GALNT7: variants seen among roughly 807,000 people sequenced by gnomAD.
GALNT7 encodes N-acetylgalactosaminyltransferase 7.
GALNT7 carries 60 observed loss-of-function variants against 82.1 expected under a neutral mutation model. That is an observed-to-expected ratio of 0.73 (90% CI 0.59 to 0.91). GALNT7 has a LOEUF of 0.91. Among genes scored for constraint, GALNT7 ranks in the 40% least tolerant of loss-of-function variants. GALNT7 has a pLI of 0.00. For missense variants in GALNT7, 660 were observed against 804.2 expected (o/e 0.82, Z 2.17); for synonymous variants, 243 against 275.1 (o/e 0.88, Z 1.15).
rs1269428205 is a variant in GALNT7, at chr4:173,313,955, C to A, written c.1390-3C>A. 6.0e-6 allele frequency: 8 copies of A among 1,338,036 alleles called. No homozygotes were observed. The highest frequency in any genetic ancestry group is 8.3e-6 in the Non-Finnish European group (8 of 963,462). The allele number at this position is 1,338,036 out of a possible 1,614,324, so 82.9% of individuals were successfully genotyped here. A position where few individuals can be genotyped will look rare whatever the true frequency, so the allele number is the denominator to read the frequency against. On this transcript the variant is annotated splice_region_variant and splice_polypyrimidine_tract_variant and intron_variant, in intron 8 of 11. Transcript: ENST00000265000. ...TATATATATATATATTTTTTTTTTA[C>A]AGAATTATGTTAGAGTTGTGGAGGT...
chr4:173,248,418 G>T lies in GALNT7; in HGVS notation c.565G>T (p.Val189Phe), dbSNP rs79967711. Residue 189 changes from valine to phenylalanine, a missense_variant, in exon 2 of 12, where the codon GTC (valine) becomes TTC (phenylalanine). Coordinates refer to ENST00000265000, the MANE Select transcript of GALNT7 (RefSeq NM_017423.3). ...TGACATGATCTCACTGGACCGCAGC[G>T]TCAATGACTTACGCCAAGAAGAGTA... ...ASDMISLDRSVNDLRQEECKY... is the reference protein window; with the variant it reads ...ASDMISLDRSFNDLRQEECKY... 2 of 1,608,074 alleles carry T rather than the reference G, an allele frequency of 1.2e-6. No individual in the cohort carries two copies. Among genetic ancestry groups the T allele is most frequent in the African/African-American group, 2.7e-5 (2 of 74,908 alleles).
At chr4:173,295,704 G>A (rs1362748952) in intron 4 of GALNT7, 60 bp from the exon 5 acceptor site, 1 of 1,178,866 alleles carries the variant, frequency 8.5e-7, no homozygotes, top group Non-Finnish European at 1.3e-6. Context: ...TTTAAATTGT[G>A]TGTAATATAT....
In GALNT7 at chr4:173,248,258, T is replaced by G; in HGVS notation, c.405T>G (p.Phe135Leu). ...PVLRPGILGN[F>L]EPKEPEPPGV... ...TTCGCCCAGGGATCCTCGGTAACTT[T>G]GAACCCAAAGAACCTGAGCCTCCTG... Residue 135 changes from phenylalanine (F) to leucine (L), a missense_variant, in exon 2 of 12, where the codon TTT becomes TTG. Phe to Leu is a conservative substitution (Grantham distance 22). This residue lies in a region of GALNT7 where 527 missense variants were observed against 683.5 expected (regional missense o/e 0.77). Transcript: ENST00000265000. The G allele has an allele frequency of 6.2e-7, 1 of 1,613,988 alleles. No homozygotes were observed. The highest frequency in any genetic ancestry group is 2.2e-5 in the East Asian group (1 of 44,882).
At chr4:173,209,912 A>T (rs1733219601) in intron 1 of GALNT7, among the ~76,000 whole-genome samples, 2 of 152,116 alleles carry the variant, frequency 1.3e-5, no homozygotes, top group African/African-American at 4.8e-5. Flanking sequence ...AGGCAGGTGG[A>T]TCACGAGGTC....
intron 8 of GALNT7, among the ~76,000 whole-genome samples, chr4:173,308,664 G>A (rs1438192227): frequency 1.3e-5 from 2 of 152,162 alleles, no homozygotes; most frequent in African/African-American, 4.8e-5. Flanking sequence ...CAGCACTCGG[G>A]GAGGCCGAGG....
At chr4:173,253,241 A>G (rs1162424920) in intron 2 of GALNT7, among the ~76,000 whole-genome samples, 1 of 152,186 alleles carries the variant, frequency 6.6e-6, no homozygotes, top group African/African-American at 2.4e-5. Flanking sequence ...TGAGGGGGAT[A>G]CTAGGGAAGA....
intron 1 of GALNT7, among the ~76,000 whole-genome samples, chr4:173,185,946 G>C (rs1732448243): frequency 6.6e-6 from 1 of 152,160 alleles, no homozygotes; most frequent in Non-Finnish European, 1.5e-5. Context: ...AAGATTCCTA[G>C]GGAAATTACA....
chr4:173,217,215 G>A (rs1362304676), intron 1 of GALNT7, among the ~76,000 whole-genome samples: 2 of 152,092 alleles, frequency 1.3e-5, no homozygotes, highest in South Asian at 2.1e-4. Context: ...TACATGTATA[G>A]GCATGATCCT....
intron 1 of GALNT7, among the ~76,000 whole-genome samples, chr4:173,183,264 T>C (rs1481657376): frequency 1.3e-5 from 2 of 151,764 alleles, no homozygotes; most frequent in African/African-American, 4.8e-5. Flanking sequence ...CTCCCACTAT[T>C]CCTCTCACAC....
At chr4:173,308,671 G>A (rs781583785) in intron 8 of GALNT7, among the ~76,000 whole-genome samples, 12 of 152,168 alleles carry the variant, frequency 7.9e-5, no homozygotes, top group Admixed American at 1.3e-4. Context: ...CGGGGAGGCC[G>A]AGGTGGGAGG....
Position 173,249,306 on chromosome 4 carries a change from C to T in GALNT7, c.587+866C>T, listed in dbSNP as rs149030539. The stretch of plus-strand genomic sequence containing the variant: ...GTGCTCACACTCCCATACCTGTTCA[C>T]ATACACGTATGCATGTACACACACA... On this transcript the variant is annotated intron_variant, in intron 2 of 11. Coordinates refer to ENST00000265000, the MANE Select transcript of GALNT7 (RefSeq NM_017423.3). Among the ~76,000 whole-genome samples the T allele has an allele frequency of 2.8e-3, 419 of 152,326 alleles. 2 individuals are homozygous for T. Among genetic ancestry groups the T allele is most frequent in the African/African-American group, 9.8e-3 (406 of 41,574 alleles).
chr4:173,286,020 A>C (rs550712033), intron 2 of GALNT7, among the ~76,000 whole-genome samples: 26 of 152,260 alleles, frequency 1.7e-4, no homozygotes, highest in Non-Finnish European at 2.9e-4. Context: ...CTGAAAAAAA[A>C]CAACAACAAC....
intron 1 of GALNT7, among the ~76,000 whole-genome samples, chr4:173,216,725 A>ATTTTTTTT (rs1277080433): frequency 1.9e-3 from 16 of 8,460 alleles, no homozygotes; most frequent in Non-Finnish European, 7.1e-3. Flanking sequence ...ATATATATAT[A>ATTTTTTTT]TATTTTTTTT....
intron 2 of GALNT7, among the ~76,000 whole-genome samples, chr4:173,288,199 C>T (rs1736399183): frequency 1.4e-5 from 2 of 139,972 alleles, no homozygotes; most frequent in South Asian, 2.3e-4. Flanking sequence ...AGGAGAATGG[C>T]GTGAACCCGG....
chr4:173,208,032 A>G (rs1733154370), intron 1 of GALNT7, among the ~76,000 whole-genome samples: 1 of 151,862 alleles, frequency 6.6e-6, no homozygotes, highest in South Asian at 2.1e-4. Context: ...CCTGTTTTTT[A>G]CCATTGATGT....
intron 1 of GALNT7, among the ~76,000 whole-genome samples, chr4:173,210,141 G>GAA (rs544871663): frequency 1.6e-5 from 2 of 128,136 alleles, no homozygotes; most frequent in African/African-American, 5.7e-5. Context: ...CTCAAAAAAA[G>GAA]AAAAAAAAAA....
chr4:173,185,754 T>A (rs539836954), intron 1 of GALNT7, among the ~76,000 whole-genome samples: 1 of 152,264 alleles, frequency 6.6e-6, no homozygotes, highest in African/African-American at 2.4e-5. Flanking sequence ...CTTGTATACA[T>A]CTTAGAGTCT....
chr4:173,272,255 A>G (rs1487912429), intron 2 of GALNT7, among the ~76,000 whole-genome samples: 1 of 152,058 alleles, frequency 6.6e-6, no homozygotes, highest in Non-Finnish European at 1.5e-5. Context: ...CCCCCTGTAT[A>G]TGGACTATCT....
intron 1 of GALNT7, among the ~76,000 whole-genome samples, chr4:173,244,041 TAC>T (rs752116006): frequency 2.0e-5 from 3 of 152,312 alleles, no homozygotes; most frequent in Admixed American, 6.5e-5. Flanking sequence ...TCACAGAACT[TAC>T]AGTCTAGTGC....
Sources: allele counts gnomAD v4.1 joint callset (sites outside exome capture counted in the v4.1 genomes callset), GRCh38; gene constraint gnomAD v4.1.1; regional missense constraint gnomAD v4.1.1; transcripts MANE v1.5; gene names NCBI Gene and HGNC (gene_info 2026-07-23, HGNC 2026-07-21).